The following KCNQ1 variants were observed in gnomAD, a reference collection of about 807,000 sequenced individuals.
KCNQ1 encodes the protein potassium voltage-gated channel subfamily Q member 1.
Under a neutral mutation model 72.4 loss-of-function variants are expected in KCNQ1, and 49 were observed. That is an observed-to-expected ratio of 0.68 (90% CI 0.54 to 0.86). The LOEUF (loss-of-function observed/expected upper bound fraction) is 0.86, where lower values mean the gene tolerates loss of function less well. KCNQ1 is among the 40% of genes least tolerant of loss of function. The probability of loss-of-function intolerance (pLI) is 0.00; values close to 1 mark genes in which losing one functional copy is unlikely to be tolerated. For missense variants in KCNQ1, 790 were observed against 945.1 expected (o/e 0.84, Z 2.15); for synonymous variants, 450 against 412.6 (o/e 1.09, Z -1.10).
chr11:2,776,075 G>A lies in KCNQ1; in HGVS notation c.1685+21G>A, dbSNP rs376557660. 503 of 1,542,150 alleles carry A rather than the reference G, an allele frequency of 3.3e-4. 2 individuals carry two copies. Among genetic ancestry groups the A allele is most frequent in the Non-Finnish European group, 3.9e-4 (443 of 1,140,728 alleles). Reference sequence around the variant, plus strand: ...AGGAGGTGGGCACGGCCAAACGGCAGCGGGGAGGGTGCCCAGGTCCTGCCC... The same window carrying A: ...AGGAGGTGGGCACGGCCAAACGGCAACGGGGAGGGTGCCCAGGTCCTGCCC... On this transcript the variant is annotated intron_variant, in intron 13 of 15. Transcript: ENST00000155840.
At position 2,593,359 on chromosome 11, in the gene KCNQ1, G is replaced by C. The variant is rs575562972; in HGVS notation, c.1393+4505G>C. 1.5e-4 allele frequency among the ~76,000 whole-genome samples: 23 copies of C among 151,318 alleles called. No individual in the cohort carries two copies. Among genetic ancestry groups the C allele is most frequent in the Admixed American group, 1.0e-3 (16 of 15,276 alleles). Reference sequence around the variant, plus strand: ...CTGGAAGGTCGTGGTCTGTGACGTAGGATCGGGGAGGCCACCTCAGAGGCC... The same window carrying C: ...CTGGAAGGTCGTGGTCTGTGACGTACGATCGGGGAGGCCACCTCAGAGGCC... On this transcript the variant is annotated intron_variant, in intron 10 of 15. Transcript: ENST00000155840. The surrounding 1 kb of genome is among the most constrained non-coding windows in gnomAD (Gnocchi z 6.9).
rs112009532 is a variant in KCNQ1 at position 2,695,893 on chromosome 11, C to T, written c.1514+33812C>T. Reference sequence around the variant, plus strand: ...AACCCTCCTGCAAACTGGCAATCTTCCTACCTTTTTCTTAATGATTTGTGG... The same window carrying T: ...AACCCTCCTGCAAACTGGCAATCTTTCTACCTTTTTCTTAATGATTTGTGG... On this transcript the variant is annotated intron_variant, in intron 11 of 15. Coordinates refer to ENST00000155840, the MANE Select transcript of KCNQ1 (RefSeq NM_000218.3). This position sits in a 1 kb window ranked among gnomAD's most constrained non-coding sequence, Gnocchi z 5.2. 6.8e-5 allele frequency: 27 copies of T among 398,636 alleles called. 1 individual carries two copies. The highest frequency in any genetic ancestry group is 4.3e-4 in the African/African-American group (21 of 48,746). The allele number at this position is 398,636 out of a possible 1,614,324, so 24.7% of individuals were successfully genotyped here.
intron 2 of KCNQ1, among the ~76,000 whole-genome samples, chr11:2,548,268 G>A (rs975941483): frequency 5.3e-5 from 8 of 152,192 alleles, no homozygotes; most frequent in African/African-American, 7.2e-5. Context: ...TGGTGGCTTC[G>A]TCCAGGGAGG....
chr11:2,784,292 T>C lies in KCNQ1; in HGVS notation c.1794+6255T>C, dbSNP rs553683291. Reference sequence around the variant, plus strand: ...ATTTCCTCCTTTGAATTATCATGGCTTCTTGGTCAAAAATCAATTGACCAT... The same window carrying C: ...ATTTCCTCCTTTGAATTATCATGGCCTCTTGGTCAAAAATCAATTGACCAT... On this transcript the variant is annotated intron_variant, in intron 15 of 15. Coordinates refer to ENST00000155840, the MANE Select transcript of KCNQ1 (RefSeq NM_000218.3). The surrounding 1 kb of genome is among the most constrained non-coding windows in gnomAD (Gnocchi z 4.7). 3.3e-5 allele frequency among the ~76,000 whole-genome samples: 5 copies of C among 151,940 alleles called. No homozygotes were observed. The highest frequency in any genetic ancestry group is 6.5e-5 in the Admixed American group (1 of 15,272).
At chr11:2,632,457 C>G (rs371589013) in intron 10 of KCNQ1, 8 of 398,348 alleles carry the variant, frequency 2.0e-5, no homozygotes, top group East Asian at 1.1e-4. Context: ...AGAGGAAAAG[C>G]TCTTAGTCTT....
In KCNQ1 at chr11:2,820,365, G is replaced by A. The variant is rs964116110; in HGVS notation, c.1795-27402G>A. On this transcript the variant is annotated intron_variant, in intron 15 of 15. Coordinates refer to ENST00000155840, the MANE Select transcript of KCNQ1 (RefSeq NM_000218.3). ...TTTAAACTTCAAGATGTATCCATCT[G>A]TTGCTATTTTTATTAATAATTTTCT... Among the ~76,000 whole-genome samples, 19 of 152,256 alleles carry A rather than the reference G, an allele frequency of 1.2e-4. No homozygotes were observed. In the South Asian group the frequency reaches 1.9e-3, roughly 15 times the overall value.
Position 2,544,225 on chromosome 11 carries a change from CATATATATATATGTGTGTGTGTGT to C in KCNQ1, c.477+16218_477+16241del, listed in dbSNP as rs1564811857. ...CTCTGATCAATGAGATTATCTATCT[CATATATATATATGTGTGTGTGTGT>C]ATATATATATGTGTGTGTGTGTATA... On this transcript the variant is annotated intron_variant, in intron 2 of 15. Transcript: ENST00000155840. This position sits in a 1 kb window ranked among gnomAD's most constrained non-coding sequence, Gnocchi z 4.4. Among the ~76,000 whole-genome samples, 196 of 137,530 alleles carry C rather than the reference CATATATATATATGTGTGTGTGTGT, an allele frequency of 1.4e-3. 4 individuals carry two copies. The highest frequency in any genetic ancestry group is 5.4e-3 in the African/African-American group (177 of 32,894). The allele number at this position is 137,530 out of a possible 152,430, so 90.2% of individuals were successfully genotyped here.
intron 10 of KCNQ1, chr11:2,632,202 AAGAAAT>A (rs886116151): frequency 2.5e-6 from 1 of 397,780 alleles, no homozygotes; most frequent in African/African-American, 2.1e-5. Flanking sequence ...AAAAAAAAAA[AAGAAAT>A]GCAACTGAAT....
Position 2,651,224 on chromosome 11 carries a change from A to C in KCNQ1, c.1394-10737A>C. ...TGTCACCCTGTCTTGTGTCAGTCTC[A>C]CAGCACACACAGCTTAATTCAGGAA... On this transcript the variant is annotated intron_variant, in intron 10 of 15. Transcript: ENST00000155840. This position sits in a 1 kb window ranked among gnomAD's most constrained non-coding sequence, Gnocchi z 6.1. The C allele has an allele frequency of 5.0e-6, 2 of 398,658 alleles. No homozygotes were observed. Among genetic ancestry groups the C allele is most frequent in the Admixed American group, 8.8e-5 (2 of 22,742 alleles). 24.7% of individuals were successfully genotyped at this position (398,658 alleles called of 1,614,324 possible). A position where few individuals can be genotyped will look rare whatever the true frequency, so the allele number is the denominator to read the frequency against.
At chr11:2,582,367 T>G (rs535874505) in intron 6 of KCNQ1, among the ~76,000 whole-genome samples, 29 of 152,158 alleles carry the variant, frequency 1.9e-4, no homozygotes, top group Non-Finnish European at 3.5e-4. Flanking sequence ...GGCCGGGGTT[T>G]GTTCTTGCCT....
intron 15 of KCNQ1, among the ~76,000 whole-genome samples, chr11:2,835,383 A>G (rs543968088): frequency 1.4e-4 from 19 of 136,116 alleles, no homozygotes; most frequent in Admixed American, 3.0e-4. Context: ...AGACACCTGC[A>G]TATAAACCCT....
chr11:2,724,423 G>A lies in KCNQ1; in HGVS notation c.1515-44421G>A, dbSNP rs1010507501. Among the ~76,000 whole-genome samples, 1 of 152,144 alleles carries A rather than the reference G, an allele frequency of 6.6e-6. No homozygotes were observed. ...CCCTGTCCCGCCAGCCCTAGGCCTC[G>A]AACCCTCCCTGGCAAGCTAACACTG... On this transcript the variant is annotated intron_variant, in intron 11 of 15. Transcript: ENST00000155840. This position sits in a 1 kb window ranked among gnomAD's most constrained non-coding sequence, Gnocchi z 6.8.
Position 2,586,096 on chromosome 11 carries a change from C to T in KCNQ1, c.1128+789C>T, listed in dbSNP as rs574267086. ...GAGGTGCCCAGAGGGTGGGCGTTGC[C>T]GGGTTGAATGACAAGTGCCCACTGG... On this transcript the variant is annotated intron_variant, in intron 8 of 15. Transcript: ENST00000155840. Among the ~76,000 whole-genome samples the T allele has an allele frequency of 6.6e-5, 10 of 152,316 alleles. 1 individual carries two copies. The highest frequency in any genetic ancestry group is 1.0e-4 in the Non-Finnish European group (7 of 68,018).
intron 10 of KCNQ1, chr11:2,631,237 G>C (rs1211645977): frequency 1.0e-5 from 4 of 398,250 alleles, no homozygotes; most frequent in Non-Finnish European, 1.8e-5. Context: ...CTCTCCTGAT[G>C]GTGTCCCATA....
At chr11:2,633,199 G>T in intron 10 of KCNQ1, 1 of 398,482 alleles carries the variant, frequency 2.5e-6, no homozygotes, top group East Asian at 3.6e-5. Context: ...CTGTTGGCCA[G>T]TTGTTCTATT....
At chr11:2,812,166 C>T (rs1847501137) in intron 15 of KCNQ1, among the ~76,000 whole-genome samples, 1 of 152,344 alleles carries the variant, frequency 6.6e-6, no homozygotes, top group Non-Finnish European at 1.5e-5. Flanking sequence ...CTGGTCCCCA[C>T]ACAAACTTTC....
Position 2,611,442 on chromosome 11 carries a change from C to G in KCNQ1, c.1393+22588C>G, listed in dbSNP as rs1413510087. 5 of 397,650 alleles carry G rather than the reference C, an allele frequency of 1.3e-5. No homozygotes were observed. Among genetic ancestry groups the G allele is most frequent in the Non-Finnish European group, 2.2e-5 (5 of 226,062 alleles). 24.6% of individuals were successfully genotyped at this position (397,650 alleles called of 1,614,324 possible). ...GACCAGGCTGGTCTTGAACTCCTGA[C>G]CTCGAGTGATCTGTCTGCCTCAGCC... On this transcript the variant is annotated intron_variant, in intron 10 of 15. Coordinates refer to ENST00000155840, the MANE Select transcript of KCNQ1 (RefSeq NM_000218.3). This position sits in a 1 kb window ranked among gnomAD's most constrained non-coding sequence, Gnocchi z 5.3.
rs1850176089 is a variant in KCNQ1, at chr11:2,671,107, CAGTTAGTCTG to C, written c.1514+9027_1514+9036del. The C allele has an allele frequency of 2.9e-6, 1 of 339,806 alleles. No individual in the cohort carries two copies. Among genetic ancestry groups the C allele is most frequent in the African/African-American group, 2.8e-5 (1 of 36,276 alleles). The allele number at this position is 339,806 out of a possible 1,614,324, so 21.0% of individuals were successfully genotyped here. A position where few individuals can be genotyped will look rare whatever the true frequency, so the allele number is the denominator to read the frequency against. On this transcript the variant is annotated intron_variant, in intron 11 of 15. Transcript: ENST00000155840. The surrounding 1 kb of genome is among the most constrained non-coding windows in gnomAD (Gnocchi z 4.7). ...GAGGAAGTCTGGCAGTTAGTCTGAG[CAGTTAGTCTG>C]TCAGGCCTGGTTGGTCCCATGGGAG...
At chr11:2,709,537 TTAG>T in intron 11 of KCNQ1, among the ~76,000 whole-genome samples, 3 of 152,178 alleles carry the variant, frequency 2.0e-5, no homozygotes, top group African/African-American at 7.2e-5. Context: ...TCAACGGTTT[TTAG>T]TACGTTCAGA....
Sources: allele counts gnomAD v4.1 joint callset (sites outside exome capture counted in the v4.1 genomes callset), GRCh38; gene constraint gnomAD v4.1.1; non-coding constraint Gnocchi (gnomAD v3.1); transcripts MANE v1.5; gene names NCBI Gene and HGNC (gene_info 2026-07-23, HGNC 2026-07-21).